Variants in TTLL10 observed in about 807,000 individuals in gnomAD.
TTLL10 encodes the protein tubulin tyrosine ligase like 10, also known as inactive polyglycylase TTLL10.
Under a neutral mutation model 69.0 loss-of-function variants are expected in TTLL10, and 61 were observed. The observed-to-expected ratio is 0.88, with a 90% CI of 0.72 to 1.09. The LOEUF (loss-of-function observed/expected upper bound fraction) is 1.09. Among genes scored for constraint, TTLL10 ranks in the 50% least tolerant of loss-of-function variants. TTLL10 has a pLI of 0.00. For synonymous variants in TTLL10, 408 were observed against 393.3 expected (o/e 1.04, Z -0.44); for missense variants, 962 against 945.9 (o/e 1.02, Z -0.22).
chr1:1,195,516 T>C (rs2100923344), intron 13 of TTLL10, among the ~76,000 whole-genome samples: 1 of 149,174 alleles, frequency 6.7e-6, no homozygotes, highest in Non-Finnish European at 1.5e-5. Flanking sequence ...TTTTTTTTTT[T>C]TTAGTTTTAG....
In TTLL10 at chr1:1,181,883, A is replaced by C; in HGVS notation, c.830+68A>C. ...CAGACCTAAACCTGGTGTCGTCTGA[A>C]AAGGAGAAAGCGGGGCGGGGGTCCC... On this transcript the variant is annotated intron_variant, in intron 9 of 15. Coordinates refer to ENST00000379289, the MANE Select transcript of TTLL10 (RefSeq NM_001130045.2). The surrounding 1 kb of genome is among the most constrained non-coding windows in gnomAD (Gnocchi z 4.6). 6.9e-7 allele frequency: 1 copy of C among 1,449,546 alleles called. No homozygotes were observed. Among genetic ancestry groups the C allele is most frequent in the African/African-American group, 1.4e-5 (1 of 71,442 alleles). The allele number at this position is 1,449,546 out of a possible 1,614,324, so 89.8% of individuals were successfully genotyped here. A position where few individuals can be genotyped will look rare whatever the true frequency, so the allele number is the denominator to read the frequency against.
intron 5 of TTLL10, 67 bp from the exon 6 acceptor site, chr1:1,179,967 T>G: frequency 6.9e-7 from 1 of 1,453,030 alleles, no homozygotes; most frequent in Non-Finnish European, 9.0e-7. Flanking sequence ...GCAAACTGGC[T>G]GAGCCATGTC....
rs111751804 is a variant in TTLL10, at chr1:1,180,123, T to C, written c.289T>C (p.Cys97Arg). The C allele has an allele frequency of 0.022, 34,830 of 1,611,362 alleles. 488 individuals are homozygous for C. The highest frequency in any genetic ancestry group is 0.024 in the Non-Finnish European group (28,613 of 1,179,364). The part of the protein sequence containing the change: ...SQPDHDADGH[C>R]GPDLEGAERA... ...GCCAGACCACGACGCAGATGGACACTGTGGGCCGGACCTGGAGGGGGCAGA... is the reference window on the plus strand; with the variant it reads ...GCCAGACCACGACGCAGATGGACACCGTGGGCCGGACCTGGAGGGGGCAGA... Residue 97 changes from cysteine (C) to arginine (R), a missense_variant, in exon 6 of 16, where the codon TGT (cysteine) becomes CGT (arginine). Transcript: ENST00000379289.
chr1:1,183,005 A>C lies in TTLL10; in HGVS notation c.1046A>C (p.His349Pro). ...AGCATGGAGGACGACCCCATCCACC[A>C]CAAGACGCCGTTCCGGGGGCCTCAG... ...TRSMEDDPIH[H>P]KTPFRGPQAR... The change falls in exon 11 of 16, where the codon CAC becomes CCC. Residue 349 changes from histidine to proline, a missense_variant. Coordinates refer to ENST00000379289, the MANE Select transcript of TTLL10 (RefSeq NM_001130045.2). 1 of 1,609,896 alleles carries C rather than the reference A, an allele frequency of 6.2e-7. No homozygotes were observed.
chr1:1,176,372 G>A, intron 3 of TTLL10: 1 of 455,658 alleles, frequency 2.2e-6, no homozygotes, highest in Non-Finnish European at 4.4e-6. Context: ...GCTGGAGAGA[G>A]GCTGACGCTG....
rs1458504997 is a variant in TTLL10, at chr1:1,180,525, T to G, written c.549T>G (p.His183Gln). The change falls in exon 7 of 16, where the codon CAT becomes CAG. Residue 183 changes from histidine to glutamine, a missense_variant. By Grantham distance (24) the His-to-Gln change is conservative. Coordinates refer to ENST00000379289, the MANE Select transcript of TTLL10 (RefSeq NM_001130045.2). The stretch of plus-strand genomic sequence containing the variant: ...AAAGCAAGGGCTGGCAGCGCATCCA[T>G]GACAGCCGCCGGGACGACTACACGC... ...YCKSKGWQRI[H>Q]DSRRDDYTLK... 2 of 1,510,172 alleles carry G rather than the reference T, an allele frequency of 1.3e-6. No individual in the cohort carries two copies. Among genetic ancestry groups the G allele is most frequent in the Middle Eastern group, 1.7e-4 (1 of 5,748 alleles). The allele number at this position is 1,510,172 out of a possible 1,614,324, so 93.5% of individuals were successfully genotyped here. A position where few individuals can be genotyped will look rare whatever the true frequency, so the allele number is the denominator to read the frequency against.
Position 1,179,230 on chromosome 1 carries a change from C to A in TTLL10, c.15C>A (p.Cys5Ter), listed in dbSNP as rs1029710479. MDHS[C>*]TRFIHRRGPP... Reference sequence around the variant, plus strand: ...CCCCCCGGCCAATGGACCACAGCTGCACCCGGTTCATCCACCGCCGGGGAC... The same window carrying A: ...CCCCCCGGCCAATGGACCACAGCTGAACCCGGTTCATCCACCGCCGGGGAC... Residue 5 changes from cysteine to a stop codon, truncating the protein, a stop_gained, in exon 4 of 16, where the codon TGC becomes TGA. Coordinates refer to ENST00000379289, the MANE Select transcript of TTLL10 (RefSeq NM_001130045.2). LOFTEE classifies it high-confidence loss of function. The A allele has an allele frequency of 1.3e-6, 2 of 1,547,324 alleles. No homozygotes were observed. Among genetic ancestry groups the A allele is most frequent in the Non-Finnish European group, 1.7e-6 (2 of 1,145,006 alleles).
In TTLL10 at chr1:1,183,024, G is replaced by C. The variant is rs773422212; in HGVS notation, c.1065G>C (p.Gly355=). The C allele has an allele frequency of 6.2e-7, 1 of 1,608,430 alleles. No individual in the cohort carries two copies. The highest frequency in any genetic ancestry group is 8.5e-7 in the Non-Finnish European group (1 of 1,177,968). Residue 355 remains glycine, a synonymous_variant, in exon 11 of 16, where the codon GGG becomes GGC. Transcript: ENST00000379289. ...DPIHHKTPFR[G]PQARVVQRYI... is the part of the protein sequence containing the mutation. ...TCCACCACAAGACGCCGTTCCGGGG[G>C]CCTCAGGCGCGGGTGGTGCAGAGGT...
intron 10 of TTLL10, 80 bp downstream of exon 10, chr1:1,182,526 G>A: frequency 1.4e-6 from 2 of 1,447,800 alleles, no homozygotes; most frequent in Non-Finnish European, 1.9e-6. Flanking sequence ...GCTGATGAGG[G>A]CAGGGCTGGG....
At chr1:1,174,348 G>A (rs940164279) in intron 2 of TTLL10, 27 bp downstream of exon 2, 6 of 152,696 alleles carry the variant, frequency 3.9e-5, no homozygotes, top group Non-Finnish European at 7.3e-5. Flanking sequence ...GGCCCCACGT[G>A]GCCAAGCTTG....
At chr1:1,184,663 A>G (rs1647197658) in intron 12 of TTLL10, among the ~76,000 whole-genome samples, 1 of 152,114 alleles carries the variant, frequency 6.6e-6, no homozygotes, top group South Asian at 2.1e-4. Context: ...CAGGCCTTCT[A>G]GGTTAGGGGG....
intron 13 of TTLL10, among the ~76,000 whole-genome samples, chr1:1,193,813 G>A (rs1648012694): frequency 1.3e-5 from 2 of 152,132 alleles, no homozygotes; most frequent in African/African-American, 4.8e-5. Flanking sequence ...ATATGTTTTT[G>A]AGTTATTTTA....
Position 1,197,585 on chromosome 1 carries a change from C to A in TTLL10, c.1760C>A (p.Pro587His), listed in dbSNP as rs753181197. Residue 587 changes from proline (P) to histidine (H), a missense_variant, in exon 16 of 16, where the codon CCC becomes CAC. By Grantham distance (77) the Pro-to-His change is moderately conservative. Transcript: ENST00000379289. ...TCGTGCAGCCTCCGCCGCTGGCCGC[C>A]CCTGCCCACCCGCCAGGCCAAGTCC... ...GGSCSLRRWPPLPTRQAKSSG... is the reference protein window; with the variant it reads ...GGSCSLRRWPHLPTRQAKSSG... 4 of 1,514,392 alleles carry A rather than the reference C, an allele frequency of 2.6e-6. No individual in the cohort carries two copies. Among genetic ancestry groups the A allele is most frequent in the Non-Finnish European group, 3.5e-6 (4 of 1,136,972 alleles). The allele number at this position is 1,514,392 out of a possible 1,614,324, so 93.8% of individuals were successfully genotyped here. A position where few individuals can be genotyped will look rare whatever the true frequency, so the allele number is the denominator to read the frequency against.
chr1:1,188,496 C>T (rs1355629828), intron 13 of TTLL10, among the ~76,000 whole-genome samples: 1 of 151,752 alleles, frequency 6.6e-6, no homozygotes, highest in Admixed American at 6.6e-5. Context: ...GCCTCGCCTC[C>T]CAGGTTCAAG....
At chr1:1,177,591 G>A (rs1397397480) in intron 3 of TTLL10, among the ~76,000 whole-genome samples, 3 of 152,234 alleles carry the variant, frequency 2.0e-5, no homozygotes, top group South Asian at 2.1e-4. Flanking sequence ...GATTACAGGC[G>A]TGAGCCTCCG....
intron 13 of TTLL10, among the ~76,000 whole-genome samples, chr1:1,186,591 C>T (rs1647341683): frequency 6.6e-6 from 1 of 152,160 alleles, no homozygotes; most frequent in African/African-American, 2.4e-5. Flanking sequence ...ACACACTTAA[C>T]TTTCTGAGGA....
At chr1:1,197,001 A>G (rs1648257834) in intron 14 of TTLL10, 92 bp from the exon 15 acceptor site, 1 of 1,229,994 alleles carries the variant, frequency 8.1e-7, no homozygotes, top group African/African-American at 1.5e-5. Flanking sequence ...GCAATCTCCC[A>G]GAGCCATCTG....
At chr1:1,196,743 A>G in intron 14 of TTLL10, 27 bp downstream of exon 14, 1 of 1,468,862 alleles carries the variant, frequency 6.8e-7, no homozygotes, top group Non-Finnish European at 9.3e-7. Context: ...CGGGGGGCAC[A>G]GTAGACAGAT....
chr1:1,175,892 C>T (rs1369682922), intron 3 of TTLL10: 1 of 403,902 alleles, frequency 2.5e-6, no homozygotes, highest in Non-Finnish European at 5.0e-6. Context: ...GAGGCTGCCG[C>T]TGTGCCGGTG....
Sources: gnomAD v4.1 joint callset for allele counts (sites outside exome capture counted in the v4.1 genomes callset) on GRCh38, gnomAD v4.1.1 for gene constraint, Gnocchi (gnomAD v3.1) non-coding constraint, MANE v1.5 for transcripts, NCBI Gene and HGNC (gene_info 2026-07-23, HGNC 2026-07-21) for gene names.